CNOT6L: variants seen among roughly 807,000 people sequenced by gnomAD.
CNOT6L encodes CCR4-NOT transcription complex subunit 6 like, also known as CCR4-NOT transcription complex subunit 6-like.
CNOT6L carries 7 observed loss-of-function variants against 64.0 expected under a neutral mutation model. That is an observed-to-expected ratio of 0.11 (90% CI 0.06 to 0.21). The LOEUF is 0.21. Among genes scored for constraint, CNOT6L ranks in the 10% least tolerant of loss-of-function variants. The probability of loss-of-function intolerance (pLI) is 1.00; values close to 1 mark genes in which losing one functional copy is unlikely to be tolerated. For missense variants in CNOT6L, 245 were observed against 669.0 expected, an observed-to-expected ratio of 0.37 and a Z score of 6.99; for synonymous variants, 193 against 243.4, an observed-to-expected ratio of 0.79 and a Z score of 1.93.
rs185893660 is a variant in CNOT6L, at chr4:77,803,406, T to C, written c.5+15898A>G. On this transcript the variant is annotated intron_variant, in intron 1 of 11. Transcript: ENST00000504123. ...CTAAAGGGCAATCTGACAAGATGTA[T>C]CAAATATTAAATGTGTAATTACTTT... 9.9e-4 allele frequency among the ~76,000 whole-genome samples: 151 copies of C among 152,354 alleles called. 1 individual carries two copies. Among genetic ancestry groups the C allele is most frequent in the African/African-American group, 3.1e-3 (130 of 41,582 alleles).
At chr4:77,812,274 C>T (rs1396763523) in intron 1 of CNOT6L, among the ~76,000 whole-genome samples, 1 of 151,718 alleles carries the variant, frequency 6.6e-6, no homozygotes, top group African/African-American at 2.4e-5. Context: ...CCCATCTCTA[C>T]TAAAAATACA....
chr4:77,774,500 T>C (rs2110062033), intron 3 of CNOT6L, 30 bp downstream of exon 3: 1 of 1,526,988 alleles, frequency 6.5e-7, no homozygotes. Flanking sequence ...GAATTTTATA[T>C]AGTGAGTCAT....
At chr4:77,785,761 T>C (rs898093344) in intron 1 of CNOT6L, among the ~76,000 whole-genome samples, 5 of 152,114 alleles carry the variant, frequency 3.3e-5, no homozygotes, top group Admixed American at 6.5e-5. Flanking sequence ...TGACGAAGAT[T>C]TGGTCTGCAT....
intron 6 of CNOT6L, among the ~76,000 whole-genome samples, chr4:77,747,064 A>G (rs1724277206): frequency 6.6e-6 from 1 of 152,112 alleles, no homozygotes; most frequent in African/African-American, 2.4e-5. Context: ...ACTTGTTCTG[A>G]ATCCTCTTAA....
intron 1 of CNOT6L, among the ~76,000 whole-genome samples, chr4:77,796,333 T>C (rs564088599): frequency 6.6e-6 from 1 of 152,250 alleles, no homozygotes; most frequent in African/African-American, 2.4e-5. Flanking sequence ...CAAATTGCAA[T>C]CCCTATGTGT....
At chr4:77,798,385 G>C (rs542365985) in intron 1 of CNOT6L, among the ~76,000 whole-genome samples, 1 of 152,184 alleles carries the variant, frequency 6.6e-6, no homozygotes, top group Admixed American at 6.5e-5. Context: ...TCATGTATAT[G>C]ATAAAGAATG....
Position 77,744,146 on chromosome 4 carries a change from A to G in CNOT6L, c.717+572T>C, listed in dbSNP as rs1723929015. Among the ~76,000 whole-genome samples, 3 of 152,336 alleles carry G rather than the reference A, an allele frequency of 2.0e-5. No homozygotes were observed. The East Asian group carries it at 5.8e-4, about 29-fold the overall frequency. ...TATTCAAACATCTTTTTGGCTAATC[A>G]TTAGCTAAATTTTGAAGCAACAGAA... On this transcript the variant is annotated intron_variant, in intron 7 of 11. Coordinates refer to ENST00000504123, the MANE Select transcript of CNOT6L (RefSeq NM_144571.3).
intron 8 of CNOT6L, among the ~76,000 whole-genome samples, chr4:77,740,147 A>G (rs1577934389): frequency 6.6e-6 from 1 of 151,996 alleles, no homozygotes; most frequent in Non-Finnish European, 1.5e-5. Flanking sequence ...AGGCGGGTGG[A>G]TTGCTTGGAC....
At chr4:77,753,089 C>G (rs1007303560) in intron 5 of CNOT6L, among the ~76,000 whole-genome samples, 2 of 148,424 alleles carry the variant, frequency 1.3e-5, no homozygotes, top group African/African-American at 4.9e-5. Flanking sequence ...GGCAAATTTC[C>G]AGAAAACACA....
chr4:77,819,050 A>G (rs1733955405), intron 1 of CNOT6L: 1 of 465,878 alleles, frequency 2.1e-6, no homozygotes, highest in African/African-American at 5.4e-5. Context: ...GCCACCCCCG[A>G]CACACACACA....
At chr4:77,721,646 C>T (rs1259785461) in intron 11 of CNOT6L, among the ~76,000 whole-genome samples, 4 of 151,962 alleles carry the variant, frequency 2.6e-5, no homozygotes, top group Admixed American at 6.6e-5. Context: ...TTTCATTTGA[C>T]CAATATCAAA....
At position 77,724,146 on chromosome 4, in the gene CNOT6L, C is replaced by A. The variant is rs1387917158; in HGVS notation, c.1455+2021G>T. Among the ~76,000 whole-genome samples the A allele has an allele frequency of 2.6e-5, 4 of 151,300 alleles. No individual in the cohort carries two copies. In the East Asian group the frequency reaches 7.8e-4, roughly 30 times the overall value. On this transcript the variant is annotated intron_variant, in intron 11 of 11. Coordinates refer to ENST00000504123, the MANE Select transcript of CNOT6L (RefSeq NM_144571.3). Reference sequence around the variant, plus strand: ...CAAAAATTAGCCCAAGACCAGCCTGCGCAACATGGTGAAACCCTGTCTCTA... The same window carrying A: ...CAAAAATTAGCCCAAGACCAGCCTGAGCAACATGGTGAAACCCTGTCTCTA...
chr4:77,795,395 T>G (rs981082959), intron 1 of CNOT6L, among the ~76,000 whole-genome samples: 1 of 152,210 alleles, frequency 6.6e-6, no homozygotes, highest in Non-Finnish European at 1.5e-5. Context: ...TGCAAACCAG[T>G]TGACATGGTT....
At chr4:77,780,041 CCT>C (rs1728688743) in intron 1 of CNOT6L, among the ~76,000 whole-genome samples, 1 of 152,064 alleles carries the variant, frequency 6.6e-6, no homozygotes, top group African/African-American at 2.4e-5. Flanking sequence ...TTTATTTTCC[CCT>C]CTCAGGTCTC....
chr4:77,732,145 T>C (rs1722506032), intron 8 of CNOT6L, among the ~76,000 whole-genome samples: 1 of 152,060 alleles, frequency 6.6e-6, no homozygotes, highest in African/African-American at 2.4e-5. Flanking sequence ...AAAGTTGCAA[T>C]GGGGTATAAG....
intron 8 of CNOT6L, among the ~76,000 whole-genome samples, chr4:77,734,354 T>C (rs1722735949): frequency 1.3e-5 from 2 of 152,136 alleles, no homozygotes; most frequent in African/African-American, 4.8e-5. Flanking sequence ...TCTACACACA[T>C]ACACACACAT....
chr4:77,772,979 G>A (rs1727748046), intron 4 of CNOT6L, 102 bp downstream of exon 4: 21 of 679,132 alleles, frequency 3.1e-5, no homozygotes, highest in Non-Finnish European at 4.4e-5. Flanking sequence ...GAAAGTACAC[G>A]TAGTCACATT....
chr4:77,813,697 A>G (rs1157655786), intron 1 of CNOT6L, among the ~76,000 whole-genome samples: 1 of 152,216 alleles, frequency 6.6e-6, no homozygotes, highest in Non-Finnish European at 1.5e-5. Context: ...AATCAAAACC[A>G]GGATCAAATC....
chr4:77,819,697 G>C (rs1156826942), upstream of CNOT6L: 1 of 150,610 alleles, frequency 6.6e-6, no homozygotes, highest in African/African-American at 2.4e-5. Context: ...TGGCGGCGGG[G>C]CTGAGGGCAG....
Sources: allele counts gnomAD v4.1 joint callset (sites outside exome capture counted in the v4.1 genomes callset), GRCh38; gene constraint gnomAD v4.1.1; transcripts MANE v1.5; gene names NCBI Gene and HGNC (gene_info 2026-07-23, HGNC 2026-07-21).